SYTL2: variants seen among roughly 807,000 people sequenced by gnomAD.
SYTL2 encodes the protein synaptotagmin-like protein 2.
In SYTL2, 165 loss-of-function variants were observed where a neutral mutation model predicts 198.7. The ratio of observed to expected loss-of-function variants is 0.83; its 90% confidence interval spans 0.73 to 0.94. The LOEUF is 0.94. Among genes scored for constraint, SYTL2 ranks in the 40% least tolerant of loss-of-function variants. SYTL2 has a pLI of 0.00. For missense variants in SYTL2, 2,835 were observed against 2,582.8 expected (o/e 1.10, Z -2.12); for synonymous variants, 966 against 917.7 (o/e 1.05, Z -0.95).
At chr11:85,715,197 A>G (rs1002445754) in intron 11 of SYTL2, 1 of 152,150 alleles carries the variant, frequency 6.6e-6, no homozygotes, top group Non-Finnish European at 1.5e-5. Context: ...TCTGATATAG[A>G]AAGTATATGT....
intron 19 of SYTL2, among the ~76,000 whole-genome samples, chr11:85,695,591 A>G (rs548765645): frequency 6.6e-6 from 1 of 152,332 alleles, no homozygotes; most frequent in South Asian, 2.1e-4. Flanking sequence ...ATGAAAATTC[A>G]TCAGGGAATA....
intron 1 of SYTL2, among the ~76,000 whole-genome samples, chr11:85,772,845 C>T (rs2092382354): frequency 6.6e-6 from 1 of 152,170 alleles, no homozygotes; most frequent in African/African-American, 2.4e-5. Flanking sequence ...ACTAATTCCC[C>T]CTACCACACA....
intron 1 of SYTL2, among the ~76,000 whole-genome samples, chr11:85,767,270 T>C (rs1591970194): frequency 1.3e-5 from 2 of 152,194 alleles, no homozygotes; most frequent in Non-Finnish European, 2.9e-5. Flanking sequence ...AGCTAGGACA[T>C]GCAGAGAAGA....
Position 85,759,631 on chromosome 11 carries a change from G to A in SYTL2, c.-389-1517C>T, listed in dbSNP as rs115248947. 4.3e-3 allele frequency among the ~76,000 whole-genome samples: 656 copies of A among 152,108 alleles called. 5 individuals are homozygous for A. The highest frequency in any genetic ancestry group is 0.016 in the African/African-American group (645 of 41,482). Reference sequence around the variant, plus strand: ...ATACTTAGTAATATATTTCTCTTTTGTATTATGTCTCTTTCTGATCTCCCC... The same window carrying A: ...ATACTTAGTAATATATTTCTCTTTTATATTATGTCTCTTTCTGATCTCCCC... On this transcript the variant is annotated intron_variant, in intron 1 of 19. Transcript: ENST00000359152.
At chr11:85,747,768 A>G (rs1320627500) in intron 3 of SYTL2, among the ~76,000 whole-genome samples, 1 of 152,180 alleles carries the variant, frequency 6.6e-6, no homozygotes, top group Non-Finnish European at 1.5e-5. Context: ...TCTGGACTTT[A>G]AACTTGTTCC....
chr11:85,716,273 C>T (rs1174084293), intron 11 of SYTL2: 1 of 152,058 alleles, frequency 6.6e-6, no homozygotes, highest in African/African-American at 2.4e-5. Flanking sequence ...CTGGAAAAGC[C>T]CCTTTACCTA....
chr11:85,711,248 T>TAATATGCACAATATTTA lies in SYTL2; in HGVS notation c.5626-33_5626-17dup. The TAATATGCACAATATTTA allele has an allele frequency of 6.2e-7, 1 of 1,608,316 alleles. No homozygotes were observed. The highest frequency in any genetic ancestry group is 8.5e-7 in the Non-Finnish European group (1 of 1,177,998). On this transcript the variant is annotated splice_polypyrimidine_tract_variant and intron_variant, in intron 12 of 19. Coordinates refer to ENST00000359152, the MANE Select transcript of SYTL2 (RefSeq NM_206927.4). ...TGTCATCACTCTACAAAACAGCATA[T>TAATATGCACAATATTTA]AATATGCACAATATTTAAATTCAGA...
intron 3 of SYTL2, among the ~76,000 whole-genome samples, chr11:85,746,804 C>G (rs2091186489): frequency 6.6e-6 from 1 of 152,200 alleles, no homozygotes; most frequent in Admixed American, 6.5e-5. Context: ...ACGTACTAAG[C>G]AGTCAGTCCT....
chr11:85,816,044 A>G (rs1270534419), upstream of SYTL2, among the ~76,000 whole-genome samples: 2 of 152,108 alleles, frequency 1.3e-5, no homozygotes, highest in Admixed American at 1.3e-4. Context: ...GCATGCCTGT[A>G]ATCCCAGCTA....
intron 1 of SYTL2, among the ~76,000 whole-genome samples, chr11:85,776,569 G>C (rs987079292): frequency 6.6e-6 from 1 of 152,176 alleles, no homozygotes; most frequent in Non-Finnish European, 1.5e-5. Context: ...TCCCTGCAAA[G>C]GACATGAACT....
chr11:85,794,572 A>C (rs1172814893), intron 1 of SYTL2, among the ~76,000 whole-genome samples: 1 of 152,178 alleles, frequency 6.6e-6, no homozygotes, highest in East Asian at 1.9e-4. Context: ...AACTCAAAAG[A>C]ATCCAGATTC....
At position 85,714,467 on chromosome 11, in the gene SYTL2, G is replaced by A. The variant is rs894852879; in HGVS notation, c.5571C>T (p.His1857=). ...VPTQPDNPFS[H]PDKLKRMSKS... ...TGCTCATCCTTTTGAGTTTGTCAGGGTGAGAAAATGGATTATCAGGTTGTG... is the reference window on the plus strand; with the variant it reads ...TGCTCATCCTTTTGAGTTTGTCAGGATGAGAAAATGGATTATCAGGTTGTG... The change falls in exon 12 of 20, where the codon CAC becomes CAT. Residue 1857 remains histidine (H), a synonymous_variant. Coordinates refer to ENST00000359152, the MANE Select transcript of SYTL2 (RefSeq NM_206927.4). The A allele has an allele frequency of 1.2e-6, 2 of 1,613,666 alleles. No individual in the cohort carries two copies. The highest frequency in any genetic ancestry group is 1.1e-5 in the South Asian group (1 of 91,076).
At chr11:85,749,964 C>T (rs2091414024) in intron 2 of SYTL2, among the ~76,000 whole-genome samples, 1 of 152,140 alleles carries the variant, frequency 6.6e-6, no homozygotes, top group African/African-American at 2.4e-5. Flanking sequence ...AGATGAGGCT[C>T]CTGACCACCT....
chr11:85,801,287 C>T (rs959757447), intron 1 of SYTL2, among the ~76,000 whole-genome samples: 1 of 151,712 alleles, frequency 6.6e-6, no homozygotes, highest in African/African-American at 2.4e-5. Flanking sequence ...GGGCCTTAAA[C>T]TTTTTTTTTC....
chr11:85,707,078 G>T (rs938224705), intron 15 of SYTL2, among the ~76,000 whole-genome samples: 1 of 152,116 alleles, frequency 6.6e-6, no homozygotes, highest in African/African-American at 2.4e-5. Context: ...GACCTCAAGG[G>T]ATCCACCCAC....
chr11:85,754,865 A>G (rs1353413022), intron 2 of SYTL2, among the ~76,000 whole-genome samples: 3 of 152,164 alleles, frequency 2.0e-5, no homozygotes, highest in African/African-American at 2.4e-5. Flanking sequence ...TTCTGAAAGA[A>G]TAACAACGAT....
chr11:85,843,677 T>C, the SYTL2 span, among the ~76,000 whole-genome samples: 1 of 152,134 alleles, frequency 6.6e-6, no homozygotes, highest in Non-Finnish European at 1.5e-5. Context: ...CACAGAAAAG[T>C]TTCACATTCT....
intron 8 of SYTL2, among the ~76,000 whole-genome samples, chr11:85,723,491 G>C (rs1460544651): frequency 6.6e-6 from 1 of 152,208 alleles, no homozygotes; most frequent in African/African-American, 2.4e-5. Flanking sequence ...GTAAGATATT[G>C]CTCCCGAATG....
chr11:85,712,338 G>A (rs1171940008), intron 12 of SYTL2, among the ~76,000 whole-genome samples: 2 of 152,036 alleles, frequency 1.3e-5, no homozygotes, highest in South Asian at 2.1e-4. Flanking sequence ...CTATTTTAGC[G>A]CCTACTGCAT....
Sources: allele counts gnomAD v4.1 joint callset (sites outside exome capture counted in the v4.1 genomes callset), GRCh38; gene constraint gnomAD v4.1.1; transcripts MANE v1.5; gene names NCBI Gene and HGNC (gene_info 2026-07-23, HGNC 2026-07-21).